The following SH2D4B variants were observed in gnomAD, a reference collection of about 807,000 sequenced individuals.
The protein encoded by SH2D4B is SH2 domain containing 4B.
In SH2D4B, 45 loss-of-function variants were observed where a neutral mutation model predicts 61.5. The ratio of observed to expected loss-of-function variants is 0.73; its 90% confidence interval spans 0.58 to 0.94. The LOEUF is 0.94. Ranked by LOEUF, SH2D4B falls within the 40% of genes least tolerant of loss-of-function variation. The pLI is 0.00. For synonymous variants in SH2D4B, 224 were observed against 220.4 expected (o/e 1.02, Z -0.14); for missense variants, 572 against 574.2 (o/e 1.00, Z 0.04).
chr10:80,638,680 C>G (rs1294750341), intron 7 of SH2D4B, among the ~76,000 whole-genome samples: 2 of 151,996 alleles, frequency 1.3e-5, no homozygotes, highest in African/African-American at 4.8e-5. Context: ...TCTCTCTTTT[C>G]TTCTTTATTA....
At chr10:80,631,331 C>T (rs919200042) in intron 6 of SH2D4B, among the ~76,000 whole-genome samples, 2 of 152,204 alleles carry the variant, frequency 1.3e-5, no homozygotes, top group Non-Finnish European at 2.9e-5. Context: ...TCACTGCAGC[C>T]TTGAATTCCT....
In SH2D4B at chr10:80,601,986, G is replaced by A. The variant is rs145084109; in HGVS notation, c.644-1593G>A. ...TAGTTGGATTTTAGAGGCAGATAGG[G>A]GCCTGCCAAGATGCAGTGAGACTAC... On this transcript the variant is annotated intron_variant, in intron 4 of 7. Coordinates refer to ENST00000646907, the MANE Select transcript of SH2D4B (RefSeq NM_001388272.1). Among the ~76,000 whole-genome samples the A allele has an allele frequency of 5.5e-4, 84 of 152,276 alleles. 1 individual carries two copies. The highest frequency in any genetic ancestry group is 2.0e-3 in the African/African-American group (82 of 41,550).
chr10:80,570,411 A>C (rs1024239133), intron 2 of SH2D4B, 95 bp downstream of exon 2: 84 of 1,434,396 alleles, frequency 5.9e-5, no homozygotes, highest in Admixed American at 9.0e-5. Flanking sequence ...GTAGAGATGG[A>C]GTTCCATCAT....
intron 3 of SH2D4B, among the ~76,000 whole-genome samples, chr10:80,583,866 C>A (rs1842213696): frequency 6.6e-6 from 1 of 152,034 alleles, no homozygotes; most frequent in South Asian, 2.1e-4. Context: ...CTGAAAGTAC[C>A]CCCAAGTGGC....
At chr10:80,552,562 G>C (rs573154063) in intron 1 of SH2D4B, among the ~76,000 whole-genome samples, 1 of 152,258 alleles carries the variant, frequency 6.6e-6, no homozygotes, top group South Asian at 2.1e-4. Context: ...TCGTGAGAAA[G>C]GCCACCAGCT....
At chr10:80,582,695 G>A (rs1842196601) in intron 3 of SH2D4B, among the ~76,000 whole-genome samples, 1 of 152,166 alleles carries the variant, frequency 6.6e-6, no homozygotes, top group African/African-American at 2.4e-5. Context: ...CCATTCCTGG[G>A]GGGACTAACT....
intron 1 of SH2D4B, among the ~76,000 whole-genome samples, chr10:80,555,410 C>G (rs1841818660): frequency 6.6e-6 from 1 of 152,186 alleles, no homozygotes; most frequent in African/African-American, 2.4e-5. Flanking sequence ...TTCTGCAGAC[C>G]AGGTTCCAAT....
chr10:80,568,041 A>G (rs1288475490), intron 1 of SH2D4B, among the ~76,000 whole-genome samples: 1 of 152,024 alleles, frequency 6.6e-6, no homozygotes, highest in Admixed American at 6.6e-5. Flanking sequence ...GTTTCACCTG[A>G]AGGACATCTT....
At chr10:80,550,998 A>G (rs542949588) in intron 1 of SH2D4B, among the ~76,000 whole-genome samples, 2 of 152,380 alleles carry the variant, frequency 1.3e-5, no homozygotes, top group African/African-American at 4.8e-5. Context: ...AGCCTTTCTT[A>G]GAATAAAGCA....
At chr10:80,605,305 A>G (rs1842506164) in intron 5 of SH2D4B, among the ~76,000 whole-genome samples, 1 of 151,590 alleles carries the variant, frequency 6.6e-6, no homozygotes, top group Admixed American at 6.6e-5. Flanking sequence ...TAACAGGTGC[A>G]TAGTATTCTA....
Position 80,538,451 on chromosome 10 carries a change from G to A in SH2D4B, c.120G>A (p.Lys40=), listed in dbSNP as rs1000788384. The change falls in exon 1 of 8, where the codon AAG becomes AAA. Residue 40 remains lysine (K), a synonymous_variant. Transcript: ENST00000646907. The surrounding 1 kb of genome is among the most constrained non-coding windows in gnomAD (Gnocchi z 4.8). ...GGGAGGAGCAGCTGAGGCGCTGGAAGGAGCGGGAGACTTGGGAGGCCCTGG... is the reference window on the plus strand; with the variant it reads ...GGGAGGAGCAGCTGAGGCGCTGGAAAGAGCGGGAGACTTGGGAGGCCCTGG... ...KMREEQLRRW[K]ERETWEALAQ... The A allele has an allele frequency of 2.7e-6, 4 of 1,492,936 alleles. No individual in the cohort carries two copies. The African/African-American group carries it at 4.2e-5, about 16-fold the overall frequency. The allele number at this position is 1,492,936 out of a possible 1,614,324, so 92.5% of individuals were successfully genotyped here.
chr10:80,594,160 C>T (rs550355271), intron 4 of SH2D4B, among the ~76,000 whole-genome samples: 1 of 152,248 alleles, frequency 6.6e-6, no homozygotes, highest in South Asian at 2.1e-4. Context: ...CAGGAAGTTC[C>T]ATGCTTTCTT....
intron 3 of SH2D4B, among the ~76,000 whole-genome samples, chr10:80,571,903 G>A (rs1229809499): frequency 6.6e-6 from 1 of 151,586 alleles, no homozygotes; most frequent in African/African-American, 2.4e-5. Context: ...CTCCCGAGTA[G>A]CTGGGACTAC....
At position 80,644,153 on chromosome 10, in the gene SH2D4B, C is replaced by T; in HGVS notation, c.*68C>T. On this transcript the variant is annotated 3_prime_UTR_variant, in exon 8 of 8. Coordinates refer to ENST00000646907, the MANE Select transcript of SH2D4B (RefSeq NM_001388272.1). ...TGAACTCAGCTTAAGAACTTCTCAT[C>T]TCAAATCCTATGGCCTTCTGGAAGA... 7.8e-7 allele frequency: 1 copy of T among 1,285,720 alleles called. No individual in the cohort carries two copies. The highest frequency in any genetic ancestry group is 1.1e-6 in the Non-Finnish European group (1 of 892,758). 79.6% of individuals were successfully genotyped at this position (1,285,720 alleles called of 1,614,324 possible).
At chr10:80,641,551 G>A (rs1026792920) in intron 7 of SH2D4B, among the ~76,000 whole-genome samples, 34 of 152,244 alleles carry the variant, frequency 2.2e-4, no homozygotes, top group African/African-American at 7.5e-4. Context: ...TAGGAAACCA[G>A]GGCTAAGTTT....
At chr10:80,553,098 A>G (rs994172796) in intron 1 of SH2D4B, among the ~76,000 whole-genome samples, 1 of 152,074 alleles carries the variant, frequency 6.6e-6, no homozygotes, top group Non-Finnish European at 1.5e-5. Flanking sequence ...TATATTTTTT[A>G]GTAGAGATGG....
intron 4 of SH2D4B, among the ~76,000 whole-genome samples, chr10:80,590,849 C>CT (rs1274014626): frequency 6.6e-6 from 1 of 151,932 alleles, no homozygotes; most frequent in Non-Finnish European, 1.5e-5. Context: ...AAAAGAAACT[C>CT]TGTACCGATT....
chr10:80,549,891 A>G (rs995036429), intron 1 of SH2D4B, among the ~76,000 whole-genome samples: 14 of 152,188 alleles, frequency 9.2e-5, no homozygotes, highest in Non-Finnish European at 2.1e-4. Flanking sequence ...TGCTGATGGC[A>G]CTTGGTACCT....
intron 1 of SH2D4B, among the ~76,000 whole-genome samples, chr10:80,563,251 T>C (rs1011863572): frequency 1.3e-5 from 2 of 152,266 alleles, no homozygotes; most frequent in Admixed American, 1.3e-4. Flanking sequence ...TGCCTTCCTT[T>C]GAGAAATATC....
Sources: gnomAD v4.1 joint callset for allele counts (sites outside exome capture counted in the v4.1 genomes callset) on GRCh38, gnomAD v4.1.1 for gene constraint, Gnocchi (gnomAD v3.1) non-coding constraint, MANE v1.5 for transcripts, NCBI Gene and HGNC (gene_info 2026-07-23, HGNC 2026-07-21) for gene names.